The following NOS1AP variants were observed in gnomAD, a reference collection of about 807,000 sequenced individuals.
NOS1AP encodes the protein nitric oxide synthase 1 adaptor protein.
A neutral mutation model predicts 56.2 loss-of-function variants in NOS1AP; 21 were observed. The ratio of observed to expected loss-of-function variants is 0.37; its 90% confidence interval spans 0.26 to 0.54. NOS1AP has a LOEUF of 0.54. NOS1AP is among the 20% of genes least tolerant of loss of function. NOS1AP has a pLI of 0.84. For missense variants in NOS1AP, 522 were observed against 657.8 expected (o/e 0.79, Z 2.26); for synonymous variants, 270 against 274.6 (o/e 0.98, Z 0.17).
intron 2 of NOS1AP, among the ~76,000 whole-genome samples, chr1:162,199,650 A>G (rs7515587): frequency 0.011 from 1,198 of 104,446 alleles, 13 homozygotes; most frequent in South Asian, 0.029. Flanking sequence ...GTCTGTGTGT[A>G]AATTCTTGCA....
At chr1:162,194,991 T>A (rs1486956895) in intron 2 of NOS1AP, among the ~76,000 whole-genome samples, 1 of 152,158 alleles carries the variant, frequency 6.6e-6, no homozygotes, top group Non-Finnish European at 1.5e-5. Flanking sequence ...GAGGTTTGTC[T>A]GGACTAGGAT....
At chr1:162,179,319 A>G (rs1651172458) in intron 2 of NOS1AP, among the ~76,000 whole-genome samples, 1 of 152,192 alleles carries the variant, frequency 6.6e-6, no homozygotes, top group Non-Finnish European at 1.5e-5. Context: ...GAAGTTGAGT[A>G]ACCTGCCCTG....
chr1:162,153,396 C>CTGTT (rs1649801469), intron 1 of NOS1AP, among the ~76,000 whole-genome samples: 2 of 152,128 alleles, frequency 1.3e-5, no homozygotes, highest in Non-Finnish European at 2.9e-5. Flanking sequence ...CCCAAAGAAC[C>CTGTT]AGAATTACAG....
intron 2 of NOS1AP, among the ~76,000 whole-genome samples, chr1:162,242,255 A>T (rs1653509700): frequency 6.6e-6 from 1 of 152,182 alleles, no homozygotes. Flanking sequence ...GACTCATCTC[A>T]TTGAAAGATG....
chr1:162,120,802 T>C (rs1648181833), intron 1 of NOS1AP, among the ~76,000 whole-genome samples: 1 of 152,216 alleles, frequency 6.6e-6, no homozygotes, highest in South Asian at 2.1e-4. Context: ...CATATCAGAA[T>C]TCTTTTAGAT....
intron 1 of NOS1AP, among the ~76,000 whole-genome samples, chr1:162,081,543 G>A (rs1172386584): frequency 2.8e-5 from 4 of 144,514 alleles, no homozygotes; most frequent in East Asian, 2.0e-4. Context: ...GCCTTTCCCA[G>A]CTTTTTTTTT....
chr1:162,235,971 G>A (rs1174294325), intron 2 of NOS1AP, among the ~76,000 whole-genome samples: 1 of 152,138 alleles, frequency 6.6e-6, no homozygotes, highest in Non-Finnish European at 1.5e-5. Context: ...TGAGGCCAGG[G>A]GGATCCTCCA....
Position 162,169,396 on chromosome 1 carries a change from G to T in NOS1AP, c.177+14920G>T, listed in dbSNP as rs185019987. 4.2e-3 allele frequency among the ~76,000 whole-genome samples: 639 copies of T among 152,270 alleles called. 5 individuals are homozygous for T. Among genetic ancestry groups the T allele is most frequent in the Admixed American group, 0.025 (375 of 15,292 alleles). On this transcript the variant is annotated intron_variant, in intron 2 of 9. Transcript: ENST00000361897. ...AATTTAACAACTGCACCCTGCTGGG[G>T]GTGCTAATGAGGAGTCAGTAGCTGA...
At chr1:162,197,475 G>A (rs891559382) in intron 2 of NOS1AP, among the ~76,000 whole-genome samples, 1 of 152,212 alleles carries the variant, frequency 6.6e-6, no homozygotes, top group African/African-American at 2.4e-5. Context: ...CTTACTGGGA[G>A]CTTTCAGATC....
intron 2 of NOS1AP, among the ~76,000 whole-genome samples, chr1:162,197,791 CAG>C (rs1651855118): frequency 6.6e-6 from 1 of 152,238 alleles, no homozygotes; most frequent in Non-Finnish European, 1.5e-5. Context: ...AGTGAGGAAG[CAG>C]AGATGCCTGG....
chr1:162,220,998 G>A (rs551529044), intron 2 of NOS1AP, among the ~76,000 whole-genome samples: 6 of 152,156 alleles, frequency 3.9e-5, no homozygotes, highest in Non-Finnish European at 7.4e-5. Context: ...CTGGAGTGCC[G>A]TGGTGTGATC....
intron 4 of NOS1AP, among the ~76,000 whole-genome samples, chr1:162,329,255 T>C (rs188200013): frequency 7.9e-5 from 12 of 152,186 alleles, no homozygotes; most frequent in Non-Finnish European, 1.3e-4. Flanking sequence ...GGGCCAGCTG[T>C]GGTGGCTTAC....
At chr1:162,315,039 G>A (rs1408446512) in intron 4 of NOS1AP, among the ~76,000 whole-genome samples, 1 of 152,372 alleles carries the variant, frequency 6.6e-6, no homozygotes. Context: ...CCAATCTCAT[G>A]TTGGTGAGTT....
chr1:162,139,339 T>C (rs1242130975), intron 1 of NOS1AP, among the ~76,000 whole-genome samples: 2 of 152,160 alleles, frequency 1.3e-5, no homozygotes, highest in African/African-American at 4.8e-5. Flanking sequence ...TGTTTGTTTT[T>C]GTGGGTGGGA....
intron 2 of NOS1AP, among the ~76,000 whole-genome samples, chr1:162,272,033 T>G (rs1201901857): frequency 6.6e-6 from 1 of 152,090 alleles, no homozygotes; most frequent in African/African-American, 2.4e-5. Flanking sequence ...AATTTTTTTT[T>G]GTAGACACAG....
chr1:162,174,936 A>G (rs1650992074), intron 2 of NOS1AP, among the ~76,000 whole-genome samples: 1 of 152,172 alleles, frequency 6.6e-6, no homozygotes, highest in African/African-American at 2.4e-5. Flanking sequence ...GGTCAGGCCT[A>G]TTTTGTAGAA....
intron 1 of NOS1AP, among the ~76,000 whole-genome samples, chr1:162,089,167 A>G (rs767573336): frequency 1.1e-4 from 17 of 152,340 alleles, no homozygotes; most frequent in Admixed American, 2.0e-4. Context: ...GAAACTACAC[A>G]TAAGGAAAGA....
At chr1:162,333,190 G>A in intron 5 of NOS1AP, 65 bp downstream of exon 5, 3 of 1,096,482 alleles carry the variant, frequency 2.7e-6, no homozygotes, top group Non-Finnish European at 4.2e-6. Flanking sequence ...CCCCAACATT[G>A]GCCCGTCTCC....
intron 2 of NOS1AP, 122 bp downstream of exon 2, chr1:162,154,598 C>T: frequency 1.3e-6 from 1 of 751,348 alleles, no homozygotes. Context: ...CAAACTCCTC[C>T]TCTCTGTACC....
Sources: allele counts gnomAD v4.1 joint callset (sites outside exome capture counted in the v4.1 genomes callset), GRCh38; gene constraint gnomAD v4.1.1; transcripts MANE v1.5; gene names NCBI Gene and HGNC (gene_info 2026-07-23, HGNC 2026-07-21).